The following ZFYVE21 variants were observed in gnomAD, a reference collection of about 807,000 sequenced individuals.
ZFYVE21 encodes zinc finger FYVE-type containing 21.
A neutral mutation model predicts 29.5 loss-of-function variants in ZFYVE21; 21 were observed. That is an observed-to-expected ratio of 0.71 (90% CI 0.50 to 1.02). ZFYVE21 has a LOEUF of 1.02. Among genes scored for constraint, ZFYVE21 ranks in the 50% least tolerant of loss-of-function variants. The pLI, the probability that ZFYVE21 is intolerant of heterozygous loss-of-function variation, is 0.00. For synonymous variants in ZFYVE21, 151 were observed against 133.8 expected, an observed-to-expected ratio of 1.13 and a Z score of -0.89; for missense variants, 326 against 335.4, an observed-to-expected ratio of 0.97 and a Z score of 0.22.
At chr14:103,721,364 G>A (rs189893997) in intron 1 of ZFYVE21, among the ~76,000 whole-genome samples, 95 of 152,276 alleles carry the variant, frequency 6.2e-4, no homozygotes, top group East Asian at 4.8e-3. Flanking sequence ...CCTGATCCTC[G>A]CTCCCTCTTG....
intron 1 of ZFYVE21, among the ~76,000 whole-genome samples, chr14:103,720,561 C>T (rs2083864143): frequency 6.6e-6 from 1 of 152,114 alleles, no homozygotes; most frequent in Admixed American, 6.5e-5. Flanking sequence ...AGACTTGGTT[C>T]TTTTTATAAC....
At chr14:103,718,368 T>G (rs985438557) in intron 1 of ZFYVE21, among the ~76,000 whole-genome samples, 9 of 152,210 alleles carry the variant, frequency 5.9e-5, no homozygotes, top group African/African-American at 1.9e-4. Context: ...GGGTTATCCC[T>G]TTAAAATGCT....
chr14:103,731,381 C>T (rs2083972270), intron 5 of ZFYVE21: 1 of 151,552 alleles, frequency 6.6e-6, no homozygotes, highest in Admixed American at 6.6e-5. Context: ...GGGCAGATCA[C>T]CTGAGGTTGG....
Position 103,732,656 on chromosome 14 carries a change from A to ATACAGTGCG in ZFYVE21, c.571_572insGTACAGTGC (p.Val190_Pro191insArgThrVal). On this transcript the variant is annotated inframe_insertion, in exon 6 of 7. Coordinates refer to ENST00000311141, the MANE Select transcript of ZFYVE21 (RefSeq NM_024071.4). ...CGGGCCACAGGCATGTTCCTGCAGT[A>ATACAGTGCG]TACAGTGCCGGGGACGGAGGGTGTG... 1 of 1,610,296 alleles carries ATACAGTGCG rather than the reference A, an allele frequency of 6.2e-7. No individual in the cohort carries two copies. Among genetic ancestry groups the ATACAGTGCG allele is most frequent in the Non-Finnish European group, 8.5e-7 (1 of 1,178,750 alleles).
chr14:103,720,813 G>A (rs1054941433), intron 1 of ZFYVE21, among the ~76,000 whole-genome samples: 3 of 152,000 alleles, frequency 2.0e-5, no homozygotes, highest in Non-Finnish European at 4.4e-5. Context: ...GGAGTGATGG[G>A]CTTCATGATT....
In ZFYVE21 at chr14:103,726,949, T is replaced by TTTTTTTTTTTTG. The variant is rs1555430531; in HGVS notation, c.189+118_189+119insGTTTTTTTTTTT. On this transcript the variant is annotated intron_variant, in intron 2 of 6. Transcript: ENST00000311141. The stretch of plus-strand genomic sequence containing the variant: ...GGGACGGATGTCATCTTATGGCTCG[T>TTTTTTTTTTTTG]TTTTTTTTTTTTTGAGACGGAGTTT... The TTTTTTTTTTTTG allele has an allele frequency of 6.9e-3, 4,698 of 684,954 alleles. 50 individuals carry two copies. The highest frequency in any genetic ancestry group is 8.0e-3 in the Non-Finnish European group (3,835 of 479,580). The allele number at this position is 684,954 out of a possible 1,614,324, so 42.4% of individuals were successfully genotyped here.
chr14:103,721,743 C>T (rs2083874476), intron 1 of ZFYVE21, among the ~76,000 whole-genome samples: 1 of 152,260 alleles, frequency 6.6e-6, no homozygotes, highest in Admixed American at 6.5e-5. Flanking sequence ...CCTCGTGGCC[C>T]TCACTAAACA....
intron 1 of ZFYVE21, 192 bp from the exon 2 acceptor site, chr14:103,726,600 C>T (rs2083926715): frequency 1.5e-6 from 1 of 686,504 alleles, no homozygotes; most frequent in Non-Finnish European, 2.5e-6. Context: ...AGCCTGCACC[C>T]CACCGCATTG....
At chr14:103,729,322 T>A (rs2083954976) in intron 5 of ZFYVE21, 140 bp downstream of exon 5, 3 of 804,918 alleles carry the variant, frequency 3.7e-6, no homozygotes, top group Admixed American at 2.7e-5. Flanking sequence ...CTGCCTTTCC[T>A]CTTTCGCGGG....
At chr14:103,725,643 C>G (rs981939374) in intron 1 of ZFYVE21, 1 of 152,396 alleles carries the variant, frequency 6.6e-6, no homozygotes, top group Middle Eastern at 3.4e-3. Context: ...GAGAGCCCAG[C>G]GTCAGTGGGG....
chr14:103,732,843 G>T, intron 6 of ZFYVE21, 81 bp downstream of exon 6: 1 of 1,599,484 alleles, frequency 6.3e-7, no homozygotes, highest in East Asian at 2.2e-5. Context: ...TCTGTGTCCT[G>T]CCATTTGCCC....
In ZFYVE21 at chr14:103,719,473, G is replaced by T. The variant is rs905911384; in HGVS notation, c.138+3494G>T. 1.4e-4 allele frequency among the ~76,000 whole-genome samples: 21 copies of T among 146,174 alleles called. 1 individual carries two copies. The highest frequency in any genetic ancestry group is 8.2e-4 in the Admixed American group (12 of 14,674). On this transcript the variant is annotated intron_variant, in intron 1 of 6. Transcript: ENST00000311141. Reference sequence around the variant, plus strand: ...CTGTCTCAAAAAAAAAAAAAAAAAAGTCCAGGTAAGGGAATTGTGTTCCAG... The same window carrying T: ...CTGTCTCAAAAAAAAAAAAAAAAAATTCCAGGTAAGGGAATTGTGTTCCAG...
In ZFYVE21 at chr14:103,728,927, G is replaced by A. The variant is rs138266309; in HGVS notation, c.378G>A (p.Thr126=). ...VLLSGATFLV[T]FGNSEKPETM... ...CCCAAGGAGCCACCTTCCTCGTCAC[G>A]TTTGGAAACTCAGAGAAACCTGAAA... Residue 126 remains threonine, a synonymous_variant, in exon 4 of 7, where the codon ACG becomes ACA. Coordinates refer to ENST00000311141, the MANE Select transcript of ZFYVE21 (RefSeq NM_024071.4). 8.7e-6 allele frequency: 14 copies of A among 1,613,922 alleles called. No homozygotes were observed. Among genetic ancestry groups the A allele is most frequent in the African/African-American group, 2.7e-5 (2 of 74,858 alleles).
chr14:103,727,626 G>A (rs1222090822), intron 2 of ZFYVE21, 120 bp from the exon 3 acceptor site: 11 of 1,327,548 alleles, frequency 8.3e-6, no homozygotes, highest in Non-Finnish European at 1.2e-5. Context: ...CGTGTGCAGC[G>A]GCCGGCACAG....
chr14:103,728,102 A>T lies in ZFYVE21; in HGVS notation c.358+188A>T, dbSNP rs542581424. The T allele has an allele frequency of 6.5e-6, 4 of 619,370 alleles. No homozygotes were observed. The East Asian group carries it at 1.3e-4, about 21-fold the overall frequency. 38.4% of individuals were successfully genotyped at this position (619,370 alleles called of 1,614,324 possible). A position where few individuals can be genotyped will look rare whatever the true frequency, so the allele number is the denominator to read the frequency against. ...AGCCTTCCCTTCTTTTCAGAGGCGG[A>T]ATGTCGTCTAAAATGTTGGTGCTGA... is the stretch of plus-strand genomic sequence containing the variant. On this transcript the variant is annotated intron_variant, in intron 3 of 6. Coordinates refer to ENST00000311141, the MANE Select transcript of ZFYVE21 (RefSeq NM_024071.4).
At chr14:103,726,601 C>T (rs1016791711) in intron 1 of ZFYVE21, 191 bp from the exon 2 acceptor site, 10 of 687,922 alleles carry the variant, frequency 1.5e-5, no homozygotes, top group Middle Eastern at 4.3e-4. Context: ...GCCTGCACCC[C>T]ACCGCATTGG....
chr14:103,722,768 G>A lies in ZFYVE21; in HGVS notation c.139-4024G>A, dbSNP rs762515264. Among the ~76,000 whole-genome samples, 15 of 151,834 alleles carry A rather than the reference G, an allele frequency of 9.9e-5. 1 individual carries two copies. Among genetic ancestry groups the A allele is most frequent in the Middle Eastern group, 3.2e-3 (1 of 316 alleles). ...CGGGAGGCGGAGCTTGCAGTGAGCC[G>A]AGATTGTGCCACTGCACTCCAGCCT... On this transcript the variant is annotated intron_variant, in intron 1 of 6. Transcript: ENST00000311141.
intron 5 of ZFYVE21, 146 bp downstream of exon 5, chr14:103,729,328 G>A (rs2083955097): frequency 1.1e-5 from 8 of 734,680 alleles, no homozygotes; most frequent in East Asian, 8.1e-5. Flanking sequence ...TTCCTCTTTC[G>A]CGGGGCGTGT....
Position 103,716,698 on chromosome 14 carries a change from C to T in ZFYVE21, c.138+719C>T, listed in dbSNP as rs2083820824. Among the ~76,000 whole-genome samples, 1 of 152,224 alleles carries T rather than the reference C, an allele frequency of 6.6e-6. No individual in the cohort carries two copies. Among genetic ancestry groups the T allele is most frequent in the Non-Finnish European group, 1.5e-5 (1 of 68,036 alleles). On this transcript the variant is annotated intron_variant, in intron 1 of 6. Transcript: ENST00000311141. This position sits in a 1 kb window ranked among gnomAD's most constrained non-coding sequence, Gnocchi z 4.8. ...CACGGCAGGAGTTGCCCAGGCCACT[C>T]CTGCAGACATTGGGGCGTGGGCGTG...
Sources: allele counts gnomAD v4.1 joint callset (sites outside exome capture counted in the v4.1 genomes callset), GRCh38; gene constraint gnomAD v4.1.1; non-coding constraint Gnocchi (gnomAD v3.1); transcripts MANE v1.5; gene names NCBI Gene and HGNC (gene_info 2026-07-23, HGNC 2026-07-21).